Variants in NFATC3 observed in about 807,000 individuals in gnomAD.
NFATC3 encodes nuclear factor of activated T-cells, cytoplasmic 3.
A neutral mutation model predicts 98.6 loss-of-function variants in NFATC3; 46 were observed. That is an observed-to-expected ratio of 0.47 (90% confidence interval 0.37 to 0.60). The LOEUF is 0.60. Among genes scored for constraint, NFATC3 ranks in the 20% least tolerant of loss-of-function variants. NFATC3 has a pLI of 0.00. For synonymous variants in NFATC3, 512 were observed against 472.2 expected (o/e 1.08, Z -1.09); for missense variants, 1,256 against 1,295.5 (o/e 0.97, Z 0.47).
Position 68,201,882 on chromosome 16 carries a change from C to T in NFATC3, c.3106+10107C>T, listed in dbSNP as rs142800059. Among the ~76,000 whole-genome samples, 228 of 133,218 alleles carry T rather than the reference C, an allele frequency of 1.7e-3. 2 individuals carry two copies. The highest frequency in any genetic ancestry group is 6.0e-3 in the African/African-American group (213 of 35,530). 87.4% of individuals were successfully genotyped at this position (133,218 alleles called of 152,430 possible). A position where few individuals can be genotyped will look rare whatever the true frequency, so the allele number is the denominator to read the frequency against. ...CTGGCATAGGAGAATCACTTGAATC[C>T]GGGAGGTGGAGGTTGCAGTGAGCTG... is the stretch of plus-strand genomic sequence containing the variant. On this transcript the variant is annotated intron_variant, in intron 9 of 9. Transcript: ENST00000346183.
chr16:68,192,230 A>AAAAAAATATAT (rs1555522047), intron 9 of NFATC3: 10 of 82,584 alleles, frequency 1.2e-4, no homozygotes, highest in African/African-American at 4.6e-4. Flanking sequence ...AAAAAAAAAA[A>AAAAAAATATAT]ATATATATAT....
At chr16:68,143,817 A>T (rs1015129164) in intron 3 of NFATC3, among the ~76,000 whole-genome samples, 1 of 152,142 alleles carries the variant, frequency 6.6e-6, no homozygotes, top group Non-Finnish European at 1.5e-5. Flanking sequence ...ACACCACTGC[A>T]CTCCATCCTG....
intron 9 of NFATC3, among the ~76,000 whole-genome samples, chr16:68,216,283 A>G (rs1482610909): frequency 6.6e-6 from 1 of 152,214 alleles, no homozygotes; most frequent in Non-Finnish European, 1.5e-5. Flanking sequence ...TCTTCTGATA[A>G]TTTTAAAATG....
At chr16:68,193,692 T>G (rs1940454032) in intron 9 of NFATC3, among the ~76,000 whole-genome samples, 1 of 152,004 alleles carries the variant, frequency 6.6e-6, no homozygotes, top group Non-Finnish European at 1.5e-5. Context: ...TAAAAAGCCC[T>G]CCACATATGC....
chr16:68,120,346 G>A (rs1301899010), intron 1 of NFATC3, among the ~76,000 whole-genome samples: 2 of 151,280 alleles, frequency 1.3e-5, no homozygotes, highest in Non-Finnish European at 2.9e-5. Context: ...GGGAGGCCAA[G>A]GAGGGTAGAT....
chr16:68,100,821 T>C (rs2035303581), intron 1 of NFATC3, among the ~76,000 whole-genome samples: 1 of 152,064 alleles, frequency 6.6e-6, no homozygotes, highest in Non-Finnish European at 1.5e-5. Context: ...TTATTTTTGG[T>C]CTAGTGTCTA....
chr16:68,152,734 A>G (rs1192514068), intron 3 of NFATC3, among the ~76,000 whole-genome samples: 2 of 152,142 alleles, frequency 1.3e-5, no homozygotes, highest in Non-Finnish European at 2.9e-5. Context: ...ACATTTTTAC[A>G]TGGGTGGAGA....
chr16:68,090,044 A>G (rs1325950299), intron 1 of NFATC3, among the ~76,000 whole-genome samples: 2 of 152,170 alleles, frequency 1.3e-5, no homozygotes, highest in African/African-American at 4.8e-5. Flanking sequence ...TCATATGTCA[A>G]GTTGAGGAAC....
At chr16:68,123,469 TG>T (rs1345404836) in intron 2 of NFATC3, among the ~76,000 whole-genome samples, 2 of 139,434 alleles carry the variant, frequency 1.4e-5, no homozygotes, top group East Asian at 4.2e-4. Context: ...GAGACTAGCC[TG>T]GGCAACATAG....
In NFATC3 at chr16:68,150,388, G is replaced by A. The variant is rs542327465; in HGVS notation, c.1402-7481G>A. ...AACCAAGAGTTTAAGACCAGCCAGGGCAACCTAGTGGGACTTCTATATCTA... is the reference window on the plus strand; with the variant it reads ...AACCAAGAGTTTAAGACCAGCCAGGACAACCTAGTGGGACTTCTATATCTA... On this transcript the variant is annotated intron_variant, in intron 3 of 9. Transcript: ENST00000346183. Among the ~76,000 whole-genome samples, 5 of 149,056 alleles carry A rather than the reference G, an allele frequency of 3.4e-5. No individual in the cohort carries two copies. The South Asian group carries it at 1.1e-3, about 32-fold the overall frequency.
rs111973457 is a variant in NFATC3 at position 68,183,042 on chromosome 16, T to C, written c.1972-198T>C. On this transcript the variant is annotated intron_variant, in intron 7 of 9. Coordinates refer to ENST00000346183, the MANE Select transcript of NFATC3 (RefSeq NM_173165.3). ...TTGGGTGAGTAAAAAGCAATTTCTC[T>C]TTTATTGATTAAAAGACTTACTCTT... is the stretch of plus-strand genomic sequence containing the variant. Among the ~76,000 whole-genome samples, 736 of 152,352 alleles carry C rather than the reference T, an allele frequency of 4.8e-3. 8 individuals are homozygous for C. Among genetic ancestry groups the C allele is most frequent in the Middle Eastern group, 0.014 (4 of 294 alleles).
chr16:68,164,184 G>A (rs1024186876), intron 4 of NFATC3, among the ~76,000 whole-genome samples: 25 of 152,370 alleles, frequency 1.6e-4, no homozygotes, highest in African/African-American at 5.5e-4. Context: ...CGGATCACTC[G>A]TGGTTAGGAG....
In NFATC3 at chr16:68,191,709, C is replaced by T. The variant is rs2040417605; in HGVS notation, c.3040C>T (p.Pro1014Ser). The T allele has an allele frequency of 1.2e-6, 2 of 1,614,034 alleles. No homozygotes were observed. Among genetic ancestry groups the T allele is most frequent in the African/African-American group, 2.7e-5 (2 of 74,914 alleles). Residue 1014 changes from proline (P) to serine (S), a missense_variant, in exon 9 of 10, where the codon CCT becomes TCT. Pro to Ser is a moderately conservative substitution (Grantham distance 74, BLOSUM62 -1). Around this residue, in one of 3 missense-constraint regions of NFATC3, gnomAD observed 636 missense variants for 617.3 expected, o/e 1.03. Coordinates refer to ENST00000346183, the MANE Select transcript of NFATC3 (RefSeq NM_173165.3). ...PPDGATVSIK[P>S]EPEDREPNFA... ...TGATGGGGCAACTGTGAGCATTAAA[C>T]CTGAACCAGAAGATCGAGAGCCTAA...
intron 8 of NFATC3, 123 bp from the exon 9 acceptor site, chr16:68,190,645 C>T: frequency 1.1e-6 from 1 of 892,512 alleles, no homozygotes; most frequent in Non-Finnish European, 1.7e-6. Flanking sequence ...ATATGAACTG[C>T]CTTCCTTGGC....
At chr16:68,192,230 A>AAAAAAATATATAT (rs1555522047) in intron 9 of NFATC3, 2 of 82,582 alleles carry the variant, frequency 2.4e-5, no homozygotes, top group African/African-American at 1.1e-4. Context: ...AAAAAAAAAA[A>AAAAAAATATATAT]ATATATATAT....
chr16:68,167,702 C>G (rs1386202530), intron 5 of NFATC3, among the ~76,000 whole-genome samples: 2 of 150,686 alleles, frequency 1.3e-5, no homozygotes, highest in East Asian at 4.0e-4. Flanking sequence ...CTCTAGTACT[C>G]ATTCAAGGTT....
chr16:68,152,542 GCT>G (rs2038394623), intron 3 of NFATC3, among the ~76,000 whole-genome samples: 1 of 152,092 alleles, frequency 6.6e-6, no homozygotes, highest in Non-Finnish European at 1.5e-5. Context: ...AAAGAGCCTT[GCT>G]CTGTCACCCA....
intron 6 of NFATC3, among the ~76,000 whole-genome samples, chr16:68,175,401 A>C (rs535502017): frequency 3.9e-5 from 6 of 152,326 alleles, no homozygotes; most frequent in Non-Finnish European, 7.3e-5. Context: ...TATACTTTAA[A>C]AGGATGGATT....
At chr16:68,096,068 G>A (rs2035003213) in intron 1 of NFATC3, among the ~76,000 whole-genome samples, 1 of 152,138 alleles carries the variant, frequency 6.6e-6, no homozygotes, top group Non-Finnish European at 1.5e-5. Flanking sequence ...GATCACTGCA[G>A]TCTTAACTCA....
Sources: gnomAD v4.1 joint callset for allele counts (sites outside exome capture counted in the v4.1 genomes callset) on GRCh38, gnomAD v4.1.1 for gene constraint, gnomAD v4.1.1 regional missense constraint, MANE v1.5 for transcripts, NCBI Gene and HGNC (gene_info 2026-07-23, HGNC 2026-07-21) for gene names.